Variants in CCSER2 observed in about 807,000 individuals in gnomAD.
CCSER2 encodes serine-rich coiled-coil domain-containing protein 2.
In CCSER2, 46 loss-of-function variants were observed where a neutral mutation model predicts 92.3. The ratio of observed to expected loss-of-function variants is 0.50; its 90% CI spans 0.39 to 0.64. CCSER2 has a LOEUF of 0.64. Ranked by LOEUF, CCSER2 falls within the 30% of genes least tolerant of loss-of-function variation. CCSER2 has a pLI of 0.00. For missense variants in CCSER2, 1,244 were observed against 1,238.9 expected (o/e 1.00, Z -0.06); for synonymous variants, 433 against 431.4 (o/e 1.00, Z -0.04).
chr10:84,427,053 T>C (rs1026727612), intron 5 of CCSER2, among the ~76,000 whole-genome samples: 2 of 152,218 alleles, frequency 1.3e-5, no homozygotes, highest in African/African-American at 2.4e-5. Flanking sequence ...GTAAAAAATA[T>C]AATATGTAGC....
chr10:84,512,200 G>A (rs1211541903), intron 9 of CCSER2, among the ~76,000 whole-genome samples: 1 of 152,116 alleles, frequency 6.6e-6, no homozygotes, highest in African/African-American at 2.4e-5. Flanking sequence ...AAATGATGCA[G>A]TATAAATAGA....
intron 3 of CCSER2, among the ~76,000 whole-genome samples, chr10:84,409,226 G>A (rs1222473813): frequency 6.6e-6 from 1 of 152,040 alleles, no homozygotes; most frequent in Non-Finnish European, 1.5e-5. Flanking sequence ...CCTGACCTCA[G>A]GTGATCTGCC....
intron 3 of CCSER2, among the ~76,000 whole-genome samples, chr10:84,401,025 ATATAT>A (rs1291496473): frequency 6.6e-6 from 1 of 152,178 alleles, no homozygotes; most frequent in Non-Finnish European, 1.5e-5. Context: ...GAGAATGAAA[ATATAT>A]TTTATCAAAA....
At chr10:84,382,154 C>T (rs1353318859) in intron 3 of CCSER2, among the ~76,000 whole-genome samples, 3 of 152,146 alleles carry the variant, frequency 2.0e-5, no homozygotes, top group Non-Finnish European at 4.4e-5. Flanking sequence ...AATCCTTTGA[C>T]TCCTTTTAGT....
intron 6 of CCSER2, chr10:84,455,839 T>C (rs1845585217): frequency 1.3e-6 from 1 of 797,422 alleles, no homozygotes; most frequent in Non-Finnish European, 2.2e-6. Flanking sequence ...TGGTTTTCAC[T>C]GTATATCCCA....
intron 9 of CCSER2, among the ~76,000 whole-genome samples, chr10:84,508,814 A>C (rs573923679): frequency 6.6e-6 from 1 of 152,234 alleles, no homozygotes; most frequent in Non-Finnish European, 1.5e-5. Context: ...CCAGTTACAA[A>C]ATAGCTATGA....
intron 3 of CCSER2, chr10:84,389,656 G>T (rs923493634): frequency 1.1e-4 from 20 of 185,224 alleles, no homozygotes; most frequent in Non-Finnish European, 1.7e-4. Flanking sequence ...GATGAACCTG[G>T]ATTTGGTACA....
intron 1 of CCSER2, among the ~76,000 whole-genome samples, chr10:84,365,522 T>G (rs1845733146): frequency 6.6e-6 from 1 of 152,260 alleles, no homozygotes; most frequent in East Asian, 1.9e-4. Flanking sequence ...ATGATTGATG[T>G]GATTTGTGTT....
At chr10:84,502,254 T>G (rs535778448) in intron 9 of CCSER2, among the ~76,000 whole-genome samples, 1 of 152,196 alleles carries the variant, frequency 6.6e-6, no homozygotes, top group African/African-American at 2.4e-5. Context: ...GTCTCCACAT[T>G]TAATCAATAT....
At chr10:84,402,573 G>A (rs983944815) in intron 3 of CCSER2, among the ~76,000 whole-genome samples, 1 of 152,124 alleles carries the variant, frequency 6.6e-6, no homozygotes, top group Non-Finnish European at 1.5e-5. Flanking sequence ...CCTAACAATT[G>A]TTGGAGAAAA....
intron 9 of CCSER2, among the ~76,000 whole-genome samples, chr10:84,494,268 G>A (rs529986116): frequency 2.6e-5 from 4 of 152,290 alleles, no homozygotes; most frequent in South Asian, 2.1e-4. Flanking sequence ...AGGTGCTGGT[G>A]GGAGTGTCTT....
intron 9 of CCSER2, among the ~76,000 whole-genome samples, chr10:84,503,068 C>G (rs565890831): frequency 2.0e-5 from 3 of 151,890 alleles, no homozygotes; most frequent in African/African-American, 7.2e-5. Flanking sequence ...ACTAAAAATA[C>G]GAAAAATTAG....
chr10:84,410,076 T>TG (rs1043939283), intron 3 of CCSER2, among the ~76,000 whole-genome samples: 2 of 152,174 alleles, frequency 1.3e-5, no homozygotes, highest in Non-Finnish European at 2.9e-5. Context: ...ATGATGTCCT[T>TG]GCAAAGGACA....
At chr10:84,356,757 C>T (rs1271921010) in intron 1 of CCSER2, among the ~76,000 whole-genome samples, 1 of 152,052 alleles carries the variant, frequency 6.6e-6, no homozygotes, top group African/African-American at 2.4e-5. Flanking sequence ...GTTTTACTTA[C>T]GTAAACAGGA....
At chr10:84,456,665 GT>G (rs1293318613) in intron 6 of CCSER2, among the ~76,000 whole-genome samples, 1 of 152,052 alleles carries the variant, frequency 6.6e-6, no homozygotes. Context: ...CTACCAAACT[GT>G]TTTCCTTGGT....
chr10:84,370,759 T>C (rs1253158050), intron 1 of CCSER2, among the ~76,000 whole-genome samples: 1 of 152,156 alleles, frequency 6.6e-6, no homozygotes, highest in Non-Finnish European at 1.5e-5. Flanking sequence ...AATTTGGTGG[T>C]TTAATTTTAT....
rs574989801 is a variant in CCSER2 at position 84,343,109 on chromosome 10, ACGGC to A, written c.-40+14303_-40+14306del. On this transcript the variant is annotated intron_variant, in intron 1 of 9. Transcript: ENST00000372088. ...GCTGGTCTCGAACTCCTAACCTCAA[ACGGC>A]CCCCTTGGCCTCCCAAAGTGGTGGG... 5.1e-4 allele frequency among the ~76,000 whole-genome samples: 78 copies of A among 152,130 alleles called. 1 individual carries two copies. In the South Asian group the frequency reaches 0.014, roughly 28 times the overall value.
At chr10:84,442,295 G>A (rs1442123079) in intron 6 of CCSER2, among the ~76,000 whole-genome samples, 1 of 152,142 alleles carries the variant, frequency 6.6e-6, no homozygotes, top group African/African-American at 2.4e-5. Flanking sequence ...AGTAGATACA[G>A]TGTGAAATTT....
At position 84,517,567 on chromosome 10, in the gene CCSER2, A is replaced by C. The variant is rs1276840771; in HGVS notation, c.*3300A>C. On this transcript the variant is annotated 3_prime_UTR_variant, in exon 10 of 10. Coordinates refer to ENST00000372088, the MANE Select transcript of CCSER2 (RefSeq NM_001284240.2). ...TTAATTGCTTGAAGTTGTGCCTGAAATATCGAATTGCCTCCTATTGGGTGT... is the reference window on the plus strand; with the variant it reads ...TTAATTGCTTGAAGTTGTGCCTGAACTATCGAATTGCCTCCTATTGGGTGT... 6.6e-6 allele frequency: 1 copy of C among 152,632 alleles called. No individual in the cohort carries two copies. The highest frequency in any genetic ancestry group is 1.9e-4 in the East Asian group (1 of 5,196). 9.5% of individuals were successfully genotyped at this position (152,632 alleles called of 1,614,324 possible). A position where few individuals can be genotyped will look rare whatever the true frequency, so the allele number is the denominator to read the frequency against.
Sources: gnomAD v4.1 joint callset for allele counts (sites outside exome capture counted in the v4.1 genomes callset) on GRCh38, gnomAD v4.1.1 for gene constraint, MANE v1.5 for transcripts, NCBI Gene and HGNC (gene_info 2026-07-23, HGNC 2026-07-21) for gene names.